The following NPTXR variants were observed in gnomAD, a reference collection of about 807,000 sequenced individuals.
NPTXR encodes neuronal pentraxin receptor.
Under a neutral mutation model 32.2 loss-of-function variants are expected in NPTXR, and 12 were observed. That is an observed-to-expected ratio of 0.37 (90% CI 0.24 to 0.60). The LOEUF (loss-of-function observed/expected upper bound fraction) is 0.60, where lower values mean the gene tolerates loss of function less well. Among genes scored for constraint, NPTXR ranks in the 20% least tolerant of loss-of-function variants. The pLI is 0.66. For missense variants in NPTXR, 612 were observed against 682.9 expected (o/e 0.90, Z 1.16); for synonymous variants, 323 against 315.8 (o/e 1.02, Z -0.24).
chr22:38,826,443 G>GA, intron 3 of NPTXR, 57 bp downstream of exon 3: 1 of 1,554,268 alleles, frequency 6.4e-7, no homozygotes. Context: ...GTGTGGAGTG[G>GA]GTGCTTCTGG....
chr22:38,822,542 G>A lies in NPTXR; in HGVS notation c.*67C>T, dbSNP rs1421810685. On this transcript the variant is annotated 3_prime_UTR_variant, in exon 5 of 5. Transcript: ENST00000333039. The stretch of plus-strand genomic sequence containing the variant: ...GGCCAGTGCGTGGGCAGGCTGAGGA[G>A]GGAATATGACCCCCCTCAAGTCCCC... 2 of 1,406,598 alleles carry A rather than the reference G, an allele frequency of 1.4e-6. No individual in the cohort carries two copies. The highest frequency in any genetic ancestry group is 1.4e-5 in the African/African-American group (1 of 70,408). The allele number at this position is 1,406,598 out of a possible 1,614,324, so 87.1% of individuals were successfully genotyped here.
At chr22:38,842,750 C>T (rs2093133392) in intron 1 of NPTXR, among the ~76,000 whole-genome samples, 1 of 152,144 alleles carries the variant, frequency 6.6e-6, no homozygotes, top group Non-Finnish European at 1.5e-5. Context: ...CACTCTGTTC[C>T]CGGCTCTGTG....
intron 2 of NPTXR, among the ~76,000 whole-genome samples, chr22:38,827,137 C>A (rs1395284896): frequency 6.6e-6 from 1 of 152,126 alleles, no homozygotes; most frequent in Non-Finnish European, 1.5e-5. Flanking sequence ...TGTGCCCCTG[C>A]GATGGCCCCT....
intron 2 of NPTXR, among the ~76,000 whole-genome samples, chr22:38,827,207 C>T (rs1487968479): frequency 3.9e-5 from 6 of 152,048 alleles, no homozygotes. Context: ...CCTGCCTCCT[C>T]CAGGAAGCAG....
At chr22:38,828,005 G>A (rs1380269646) in intron 2 of NPTXR, among the ~76,000 whole-genome samples, 1 of 152,202 alleles carries the variant, frequency 6.6e-6, no homozygotes, top group Non-Finnish European at 1.5e-5. Flanking sequence ...ACTTCTCTGA[G>A]CTTCGGTCTT....
chr22:38,822,943 C>G (rs921790125), intron 4 of NPTXR, 110 bp from the exon 5 acceptor site: 1 of 1,412,992 alleles, frequency 7.1e-7, no homozygotes, highest in Non-Finnish European at 9.8e-7. Context: ...CACCTTCAAC[C>G]CCACTGAAGC....
At position 38,843,566 on chromosome 22, in the gene NPTXR, G is replaced by C. The variant is rs1189019503; in HGVS notation, c.293C>G (p.Pro98Arg). The change falls in exon 1 of 5, where the codon CCG becomes CGG. Residue 98 changes from proline (P) to arginine (R), a missense_variant. By Grantham distance (103) the Pro-to-Arg change is moderately radical. Transcript: ENST00000333039. The surrounding 1 kb of genome is among the most constrained non-coding windows in gnomAD (Gnocchi z 5.3). ...CCCCGACGGGCAGGCAGCAGCCAGC[G>C]GCGTGCACAGGAAGCGGCTGAACAG... 4.1e-6 allele frequency: 5 copies of C among 1,228,582 alleles called. No homozygotes were observed. The highest frequency in any genetic ancestry group is 4.1e-6 in the Non-Finnish European group (4 of 986,312). The allele number at this position is 1,228,582 out of a possible 1,614,324, so 76.1% of individuals were successfully genotyped here.
intron 1 of NPTXR, among the ~76,000 whole-genome samples, chr22:38,837,880 G>T (rs1398387285): frequency 1.6e-5 from 1 of 62,444 alleles, no homozygotes; most frequent in Non-Finnish European, 3.7e-5. Flanking sequence ...ATTTGAGACA[G>T]AGTTTCGCTC....
At chr22:38,827,445 G>T (rs1205151335) in intron 2 of NPTXR, among the ~76,000 whole-genome samples, 2 of 151,900 alleles carry the variant, frequency 1.3e-5, no homozygotes, top group Non-Finnish European at 2.9e-5. Flanking sequence ...TGATGGGCAG[G>T]CTGGCCTTGA....
intron 1 of NPTXR, among the ~76,000 whole-genome samples, chr22:38,841,173 A>T (rs989634238): frequency 2.0e-5 from 3 of 152,234 alleles, no homozygotes; most frequent in Admixed American, 6.5e-5. Context: ...CTCCAGCTCC[A>T]GCCCCAGCCC....
chr22:38,823,983 C>A (rs924028484), intron 3 of NPTXR, among the ~76,000 whole-genome samples: 8 of 151,610 alleles, frequency 5.3e-5, no homozygotes. Context: ...CCTGAGGTCA[C>A]ATTTTTTTTT....
At chr22:38,835,790 C>T (rs1015901037) in intron 1 of NPTXR, among the ~76,000 whole-genome samples, 1 of 152,178 alleles carries the variant, frequency 6.6e-6, no homozygotes, top group Non-Finnish European at 1.5e-5. Context: ...GTCCCTCAGC[C>T]TCTCTGAGCC....
chr22:38,823,296 T>G, intron 3 of NPTXR, 34 bp from the exon 4 acceptor site: 1 of 1,598,672 alleles, frequency 6.3e-7, no homozygotes, highest in Non-Finnish European at 8.5e-7. Context: ...AGGTCAGAGG[T>G]GCCCCAAGGC....
intron 1 of NPTXR, among the ~76,000 whole-genome samples, chr22:38,833,284 G>A (rs1202740895): frequency 6.6e-6 from 1 of 152,200 alleles, no homozygotes; most frequent in African/African-American, 2.4e-5. Flanking sequence ...GGGTCAGAAA[G>A]CTTTCTCAGA....
At chr22:38,830,312 T>G (rs1320292091) in intron 1 of NPTXR, among the ~76,000 whole-genome samples, 1 of 152,108 alleles carries the variant, frequency 6.6e-6, no homozygotes, top group Non-Finnish European at 1.5e-5. Context: ...GTAAGGGAAG[T>G]GCCCAGAGCC....
At chr22:38,833,429 C>T (rs1323272096) in intron 1 of NPTXR, among the ~76,000 whole-genome samples, 1 of 152,202 alleles carries the variant, frequency 6.6e-6, no homozygotes, top group Non-Finnish European at 1.5e-5. Flanking sequence ...CAACCATCCC[C>T]TGAGTTCTGA....
At chr22:38,840,761 C>A (rs2093130634) in intron 1 of NPTXR, among the ~76,000 whole-genome samples, 1 of 152,032 alleles carries the variant, frequency 6.6e-6, no homozygotes, top group Admixed American at 6.5e-5. Context: ...TGGGAAGCCT[C>A]AGGGCATGGC....
rs530212748 is a variant in NPTXR, at chr22:38,826,506, G to T, written c.1092C>A (p.Asn364Lys). ...CCCTGCCAGCCCTGCCTACCTTGTC[G>T]TTGATCAGCAGCTCCATGGGCTCAT... is the stretch of plus-strand genomic sequence containing the variant. Residue 364 changes from asparagine to lysine, a missense_variant, in exon 3 of 5, where the codon AAC becomes AAA. By Grantham distance (94) the Asn-to-Lys change is moderately conservative. Transcript: ENST00000333039. The T allele has an allele frequency of 8.7e-6, 14 of 1,604,090 alleles. No homozygotes were observed. Among genetic ancestry groups the T allele is most frequent in the Non-Finnish European group, 8.5e-6 (10 of 1,172,716 alleles).
intron 1 of NPTXR, among the ~76,000 whole-genome samples, chr22:38,841,634 T>A (rs1297709946): frequency 6.6e-6 from 1 of 152,258 alleles, no homozygotes; most frequent in Non-Finnish European, 1.5e-5. Context: ...GGCTGTATTT[T>A]AAAAATGAGT....
Sources: allele counts gnomAD v4.1 joint callset (sites outside exome capture counted in the v4.1 genomes callset), GRCh38; gene constraint gnomAD v4.1.1; non-coding constraint Gnocchi (gnomAD v3.1); transcripts MANE v1.5; gene names NCBI Gene and HGNC (gene_info 2026-07-23, HGNC 2026-07-21).